Variants in EEF2K observed in about 807,000 individuals in gnomAD.
EEF2K encodes eukaryotic elongation factor 2 kinase, also known as alternative protein EEF2K.
In EEF2K, 70 loss-of-function variants were observed where a neutral mutation model predicts 93.8. That is an observed-to-expected ratio of 0.75 (90% CI 0.62 to 0.91). The LOEUF (loss-of-function observed/expected upper bound fraction) is 0.91. Among genes scored for constraint, EEF2K ranks in the 40% least tolerant of loss-of-function variants. The probability of loss-of-function intolerance (pLI) is 0.00; values close to 1 mark genes in which losing one functional copy is unlikely to be tolerated. For missense variants in EEF2K, 935 were observed against 972.9 expected (o/e 0.96, Z 0.52); for synonymous variants, 376 against 380.8 (o/e 0.99, Z 0.15).
intron 16 of EEF2K, among the ~76,000 whole-genome samples, chr16:22,276,034 A>G (rs1035774307): frequency 6.6e-6 from 1 of 151,950 alleles, no homozygotes; most frequent in Non-Finnish European, 1.5e-5. Flanking sequence ...TGCAGCTTTG[A>G]CCTGGGCTCA....
rs2047752718 is a variant in EEF2K at position 22,286,323 on chromosome 16, C to G, written c.*2327C>G. 6.6e-6 allele frequency: 1 copy of G among 152,178 alleles called. No homozygotes were observed. Among genetic ancestry groups the G allele is most frequent in the African/African-American group, 2.4e-5 (1 of 41,432 alleles). 9.4% of individuals were successfully genotyped at this position (152,178 alleles called of 1,614,324 possible). A position where few individuals can be genotyped will look rare whatever the true frequency, so the allele number is the denominator to read the frequency against. ...AACTTTAAGTTGACTTATCTCTTCA[C>G]AGTAATCAAGCCTCACGTAATTCAT... On this transcript the variant is annotated 3_prime_UTR_variant, in exon 18 of 18. Coordinates refer to ENST00000263026, the MANE Select transcript of EEF2K (RefSeq NM_013302.5).
In EEF2K at chr16:22,279,469, A is replaced by G. The variant is rs2047672474; in HGVS notation, c.1890-729A>G. ...AGTAAGTGTGTATATGGGTTACATGAGCTATTTTGATATGGGCATGGAATG... is the reference window on the plus strand; with the variant it reads ...AGTAAGTGTGTATATGGGTTACATGGGCTATTTTGATATGGGCATGGAATG... On this transcript the variant is annotated intron_variant, in intron 16 of 17. Transcript: ENST00000263026. Among the ~76,000 whole-genome samples, 3 of 152,084 alleles carry G rather than the reference A, an allele frequency of 2.0e-5. No individual in the cohort carries two copies. The South Asian group carries it at 6.2e-4, about 32-fold the overall frequency.
Position 22,280,359 on chromosome 16 carries a change from A to G in EEF2K, c.2051A>G (p.Lys684Arg). Residue 684 changes from lysine (K) to arginine (R), a missense_variant, in exon 17 of 18, where the codon AAG (lysine) becomes AGG (arginine). Physicochemically the swap from Lys to Arg is conservative, Grantham distance 26 (BLOSUM62 2). Transcript: ENST00000263026. ...MLFTGGYGLE[K>R]DPQRSGDLYT... ...TTCACAGGAGGCTACGGGCTGGAGA[A>G]GGACCCGCAGAGATCAGGTAGGGCC... The G allele has an allele frequency of 6.3e-7, 1 of 1,576,154 alleles. No individual in the cohort carries two copies.
At chr16:22,263,607 CAAAAT>C (rs759916450) in intron 12 of EEF2K, among the ~76,000 whole-genome samples, 56 of 152,038 alleles carry the variant, frequency 3.7e-4, no homozygotes, top group East Asian at 1.5e-3. Flanking sequence ...AACTTTGTCT[CAAAAT>C]AAAATAAAAT....
At chr16:22,257,424 G>C in intron 8 of EEF2K, 39 bp downstream of exon 8, 1 of 1,607,496 alleles carries the variant, frequency 6.2e-7, no homozygotes, top group Non-Finnish European at 8.5e-7. Context: ...CAGAAACCAC[G>C]CTCCCTGCTA....
intron 2 of EEF2K, among the ~76,000 whole-genome samples, 192 bp from the exon 3 acceptor site, chr16:22,244,438 G>C (rs1245185174): frequency 6.6e-6 from 1 of 151,942 alleles, no homozygotes; most frequent in African/African-American, 2.4e-5. Flanking sequence ...TGCCCACAGG[G>C]AGGCTGTGCC....
chr16:22,258,382 T>G, intron 9 of EEF2K, 112 bp from the exon 10 acceptor site: 9 of 1,096,914 alleles, frequency 8.2e-6, no homozygotes, highest in Middle Eastern at 2.3e-4. Flanking sequence ...TAAACAGGCA[T>G]GTTTAGGAGC....
intron 1 of EEF2K, among the ~76,000 whole-genome samples, chr16:22,222,713 A>G (rs1193805043): frequency 1.3e-5 from 2 of 150,906 alleles, no homozygotes; most frequent in Non-Finnish European, 1.5e-5. Flanking sequence ...AAAAAAAAAA[A>G]AAAAAAAAAA....
intron 2 of EEF2K, among the ~76,000 whole-genome samples, chr16:22,242,993 C>T (rs576495682): frequency 1.3e-5 from 2 of 150,976 alleles, no homozygotes; most frequent in South Asian, 2.1e-4. Flanking sequence ...GAGGCTGAGG[C>T]GAGAGGATCA....
chr16:22,247,769 T>C (rs975732970), intron 3 of EEF2K, among the ~76,000 whole-genome samples: 4 of 152,160 alleles, frequency 2.6e-5, no homozygotes, highest in African/African-American at 9.7e-5. Flanking sequence ...AAACTGGTTG[T>C]CCATGACCCT....
chr16:22,263,210 G>A lies in EEF2K; in HGVS notation c.1377+23G>A, dbSNP rs769163849. The A allele has an allele frequency of 2.5e-6, 4 of 1,602,696 alleles. No homozygotes were observed. In the African/African-American group the frequency reaches 5.4e-5, roughly 22 times the overall value. ...CATGTAAGGAACCCCCAGGAAATGA[G>A]ACCGGTGTCACCTGTTGCCTTGTTT... On this transcript the variant is annotated intron_variant, in intron 12 of 17. Coordinates refer to ENST00000263026, the MANE Select transcript of EEF2K (RefSeq NM_013302.5).
intron 2 of EEF2K, among the ~76,000 whole-genome samples, chr16:22,233,572 A>G (rs1018639524): frequency 6.6e-6 from 1 of 151,530 alleles, no homozygotes; most frequent in Non-Finnish European, 1.5e-5. Flanking sequence ...CTATAATCCC[A>G]GCTACTCCAC....
In EEF2K at chr16:22,280,345, C is replaced by T; in HGVS notation, c.2037C>T (p.Gly679=). ...AGGCCGAGATGCTGTTCACAGGAGG[C>T]TACGGGCTGGAGAAGGACCCGCAGA... is the stretch of plus-strand genomic sequence containing the variant. ...AREAEMLFTG[G]YGLEKDPQRS... Residue 679 remains glycine, a synonymous_variant, in exon 17 of 18, where the codon GGC becomes GGT. Transcript: ENST00000263026. The T allele has an allele frequency of 6.3e-7, 1 of 1,595,874 alleles. No homozygotes were observed. The highest frequency in any genetic ancestry group is 1.1e-5 in the South Asian group (1 of 87,870).
rs549816925 is a variant in EEF2K at position 22,260,166 on chromosome 16, T to C, written c.1232-296T>C. ...GGACCAAGTGGTGGCCAGGCACATA[T>C]GCTAATAAACACATTACAAGGATAA... On this transcript the variant is annotated intron_variant, in intron 10 of 17. Coordinates refer to ENST00000263026, the MANE Select transcript of EEF2K (RefSeq NM_013302.5). Among the ~76,000 whole-genome samples, 8 of 152,266 alleles carry C rather than the reference T, an allele frequency of 5.3e-5. No homozygotes were observed. The East Asian group carries it at 1.2e-3, about 22-fold the overall frequency.
In EEF2K at chr16:22,246,856, G is replaced by T. The variant is rs190181882; in HGVS notation, c.348-1899G>T. Among the ~76,000 whole-genome samples, 6 of 151,570 alleles carry T rather than the reference G, an allele frequency of 4.0e-5. No individual in the cohort carries two copies. In the East Asian group the frequency reaches 1.2e-3, roughly 30 times the overall value. The stretch of plus-strand genomic sequence containing the variant: ...AGTTTGAGACCAGCCTGGCCAATGT[G>T]ATGAAACCCCATCTCTACTAAAAAT... On this transcript the variant is annotated intron_variant, in intron 3 of 17. Coordinates refer to ENST00000263026, the MANE Select transcript of EEF2K (RefSeq NM_013302.5).
chr16:22,263,863 C>T (rs1567284170), intron 12 of EEF2K, among the ~76,000 whole-genome samples: 1 of 152,140 alleles, frequency 6.6e-6, no homozygotes, highest in Non-Finnish European at 1.5e-5. Flanking sequence ...CTTGGGTAGC[C>T]TCCCAGCAGC....
At chr16:22,238,146 C>T (rs548930336) in intron 2 of EEF2K, among the ~76,000 whole-genome samples, 18 of 152,092 alleles carry the variant, frequency 1.2e-4, no homozygotes, top group African/African-American at 4.1e-4. Flanking sequence ...AAAAATTAGC[C>T]GGGTGTGGTG....
At chr16:22,227,216 A>G (rs1226017447) in intron 2 of EEF2K, among the ~76,000 whole-genome samples, 1 of 152,174 alleles carries the variant, frequency 6.6e-6, no homozygotes, top group Non-Finnish European at 1.5e-5. Flanking sequence ...TTAAAATAAA[A>G]TAAATACATT....
intron 2 of EEF2K, among the ~76,000 whole-genome samples, chr16:22,238,160 C>G (rs566432630): frequency 2.6e-4 from 39 of 152,042 alleles, no homozygotes; most frequent in Non-Finnish European, 5.6e-4. Flanking sequence ...TGTGGTGGCA[C>G]TCACCTGTAA....
Sources: gnomAD v4.1 joint callset for allele counts (sites outside exome capture counted in the v4.1 genomes callset) on GRCh38, gnomAD v4.1.1 for gene constraint, MANE v1.5 for transcripts, NCBI Gene and HGNC (gene_info 2026-07-23, HGNC 2026-07-21) for gene names.